MYLK4: variants seen among roughly 807,000 people sequenced by gnomAD.
The protein encoded by MYLK4 is caMLCK like.
Under a neutral mutation model 48.1 loss-of-function variants are expected in MYLK4, and 46 were observed. The observed-to-expected ratio is 0.96, with a 90% CI of 0.75 to 1.22. The LOEUF is 1.22. MYLK4 is among the 50% of genes most tolerant of loss of function. The pLI is 0.00. For missense variants in MYLK4, 451 were observed against 486.1 expected (o/e 0.93, Z 0.68); for synonymous variants, 170 against 180.8 (o/e 0.94, Z 0.48).
the MYLK4 span, chr6:2,770,031 AAAGG>A: frequency 4.9e-4 from 762 of 1,557,198 alleles, no homozygotes; most frequent in South Asian, 7.1e-4. Context: ...AAAATGAGGA[AAAGG>A]AAGGAAGGGA....
At chr6:2,690,899 G>C (rs1016682766) in intron 3 of MYLK4, among the ~76,000 whole-genome samples, 3 of 140,426 alleles carry the variant, frequency 2.1e-5, no homozygotes, top group Non-Finnish European at 3.0e-5. Flanking sequence ...GCGCGATCTC[G>C]GCTCACTGCA....
intron 1 of MYLK4, among the ~76,000 whole-genome samples, chr6:2,750,132 C>A (rs1224143808): frequency 6.6e-6 from 1 of 152,178 alleles, no homozygotes; most frequent in Non-Finnish European, 1.5e-5. Context: ...GAGGGAGAGA[C>A]ATTTGAATTT....
intron 2 of MYLK4, among the ~76,000 whole-genome samples, chr6:2,719,498 C>T (rs1215141035): frequency 6.6e-6 from 1 of 152,190 alleles, no homozygotes; most frequent in Non-Finnish European, 1.5e-5. Context: ...TACCCAGCTA[C>T]AGAAGGGTCT....
chr6:2,674,019 C>T (rs1001541147), intron 11 of MYLK4, among the ~76,000 whole-genome samples: 1 of 152,096 alleles, frequency 6.6e-6, no homozygotes, highest in African/African-American at 2.4e-5. Flanking sequence ...AGGCAAGGGG[C>T]AGGGAGATGA....
chr6:2,717,852 G>A (rs1274577240), intron 2 of MYLK4, among the ~76,000 whole-genome samples: 1 of 152,038 alleles, frequency 6.6e-6, no homozygotes, highest in Non-Finnish European at 1.5e-5. Flanking sequence ...CCAGGATGTC[G>A]GCTTCATAGA....
intron 2 of MYLK4, among the ~76,000 whole-genome samples, chr6:2,702,743 T>C (rs1189719390): frequency 6.6e-6 from 1 of 152,190 alleles, no homozygotes; most frequent in African/African-American, 2.4e-5. Context: ...AGATCAAAAC[T>C]TCACACCGTG....
At chr6:2,669,331 G>A (rs375623280) in intron 12 of MYLK4, among the ~76,000 whole-genome samples, 1 of 152,212 alleles carries the variant, frequency 6.6e-6, no homozygotes, top group Non-Finnish European at 1.5e-5. Flanking sequence ...CACAGCCATC[G>A]CTTCGTAGGC....
chr6:2,683,202 C>T, intron 6 of MYLK4, 40 bp from the exon 7 acceptor site: 2 of 1,612,256 alleles, frequency 1.2e-6, no homozygotes, highest in South Asian at 1.1e-5. Flanking sequence ...GTCCCGATTT[C>T]CTTACCACCA....
In MYLK4 at chr6:2,671,274, A is replaced by C. The variant is rs780356815; in HGVS notation, c.*25+2T>G. Reference sequence around the variant, plus strand: ...CACCTCTTCAGGAGACCCAAGACTAACCTTCCAAATGGCTGCCTCCTGTAG... The same window carrying C: ...CACCTCTTCAGGAGACCCAAGACTACCCTTCCAAATGGCTGCCTCCTGTAG... On this transcript the variant is annotated splice_donor_variant, in intron 12 of 12. Transcript: ENST00000274643. LOFTEE classifies it low-confidence loss of function (3UTR_SPLICE). 14 of 1,610,118 alleles carry C rather than the reference A, an allele frequency of 8.7e-6. No individual in the cohort carries two copies. In the Admixed American group the frequency reaches 2.3e-4, roughly 27 times the overall value.
the MYLK4 span, chr6:2,766,109 C>CAGGAGG: frequency 7.6e-7 from 1 of 1,318,346 alleles, no homozygotes; most frequent in Non-Finnish European, 9.6e-7. Flanking sequence ...GGCGGAGGCG[C>CAGGAGG]AGGAGGAGGA....
chr6:2,686,213 C>T (rs1291898193), intron 4 of MYLK4, among the ~76,000 whole-genome samples: 1 of 152,208 alleles, frequency 6.6e-6, no homozygotes, highest in African/African-American at 2.4e-5. Flanking sequence ...TTCATATGCA[C>T]CCTCACATTT....
the MYLK4 span, chr6:2,765,916 GGGC>G: frequency 6.9e-7 from 1 of 1,454,560 alleles, no homozygotes; most frequent in Non-Finnish European, 9.1e-7. Context: ...AGGGTGAGGA[GGGC>G]GACGACGGCG....
rs369334810 is a variant in MYLK4, at chr6:2,685,391, G to T, written c.450C>A (p.Asn150Lys). The stretch of plus-strand genomic sequence containing the variant: ...CCAGCTGGTTCATGACGCTGATCTC[G>T]TTCTTCACCTCCTCCTGAGAAGCAG... ...RGMKDKEEVK[N>K]EISVMNQLDH... The change falls in exon 6 of 13, where the codon AAC (asparagine) becomes AAA (lysine). Residue 150 changes from asparagine (N) to lysine (K), a missense_variant. Transcript: ENST00000274643. The surrounding 1 kb of genome is among the most constrained non-coding windows in gnomAD (Gnocchi z 4.5). 2.7e-6 allele frequency: 4 copies of T among 1,460,752 alleles called. No homozygotes were observed. Among genetic ancestry groups the T allele is most frequent in the African/African-American group, 2.9e-5 (2 of 69,318 alleles). The allele number at this position is 1,460,752 out of a possible 1,614,324, so 90.5% of individuals were successfully genotyped here. A position where few individuals can be genotyped will look rare whatever the true frequency, so the allele number is the denominator to read the frequency against.
At chr6:2,724,575 A>G (rs1763187524) in intron 2 of MYLK4, among the ~76,000 whole-genome samples, 1 of 152,234 alleles carries the variant, frequency 6.6e-6, no homozygotes, top group Non-Finnish European at 1.5e-5. Flanking sequence ...AAATCACACT[A>G]CAGAAATCCA....
chr6:2,729,137 T>C (rs1199045084), intron 2 of MYLK4, among the ~76,000 whole-genome samples: 2 of 152,200 alleles, frequency 1.3e-5, no homozygotes, highest in African/African-American at 4.8e-5. Context: ...GCCACAGTTA[T>C]GACACACACT....
At chr6:2,705,556 T>G (rs1292512739) in intron 2 of MYLK4, among the ~76,000 whole-genome samples, 1 of 152,196 alleles carries the variant, frequency 6.6e-6, no homozygotes, top group African/African-American at 2.4e-5. Flanking sequence ...CAAATAAGAA[T>G]AACAATCTCT....
intron 3 of MYLK4, 107 bp from the exon 4 acceptor site, chr6:2,689,063 C>T (rs1761674972): frequency 7.4e-6 from 6 of 807,906 alleles, no homozygotes; most frequent in Non-Finnish European, 1.3e-5. Context: ...TAATAAAATA[C>T]AAGGAGCCAT....
At chr6:2,743,083 T>A (rs1315705762) in intron 2 of MYLK4, among the ~76,000 whole-genome samples, 1 of 152,098 alleles carries the variant, frequency 6.6e-6, no homozygotes, top group Non-Finnish European at 1.5e-5. Context: ...CTATGCAGTA[T>A]ACATGTGGTA....
At chr6:2,740,125 GTGGGTTT>G (rs1167207147) in intron 2 of MYLK4, among the ~76,000 whole-genome samples, 3 of 152,238 alleles carry the variant, frequency 2.0e-5, no homozygotes, top group African/African-American at 4.8e-5. Flanking sequence ...TCTTTTGCAT[GTGGGTTT>G]TGGGCAGGTC....
Sources: allele counts gnomAD v4.1 joint callset (sites outside exome capture counted in the v4.1 genomes callset), GRCh38; gene constraint gnomAD v4.1.1; non-coding constraint Gnocchi (gnomAD v3.1); transcripts MANE v1.5; gene names NCBI Gene and HGNC (gene_info 2026-07-23, HGNC 2026-07-21).